TDRD1: variants seen among roughly 807,000 people sequenced by gnomAD.
The protein encoded by TDRD1 is tudor domain containing 1.
Under a neutral mutation model 140.6 loss-of-function variants are expected in TDRD1, and 37 were observed. That is an observed-to-expected ratio of 0.26 (90% confidence interval 0.20 to 0.35). The LOEUF (loss-of-function observed/expected upper bound fraction) is 0.35, where lower values mean the gene tolerates loss of function less well. Among genes scored for constraint, TDRD1 ranks in the 10% least tolerant of loss-of-function variants. The probability of loss-of-function intolerance (pLI) is 1.00; values close to 1 mark genes in which losing one functional copy is unlikely to be tolerated. For synonymous variants in TDRD1, 506 were observed against 475.7 expected (o/e 1.06, Z -0.83); for missense variants, 1,243 against 1,393.0 (o/e 0.89, Z 1.71).
intron 11 of TDRD1, among the ~76,000 whole-genome samples, chr10:114,207,465 T>C (rs1331314372): frequency 6.6e-6 from 1 of 152,250 alleles, no homozygotes; most frequent in Non-Finnish European, 1.5e-5. Flanking sequence ...AATTTTCCAA[T>C]GTCATAGTTT....
intron 14 of TDRD1, among the ~76,000 whole-genome samples, 154 bp from the exon 15 acceptor site, chr10:114,213,192 T>A (rs2035599010): frequency 6.6e-6 from 1 of 152,250 alleles, no homozygotes; most frequent in African/African-American, 2.4e-5. Flanking sequence ...TTTTCTTTGT[T>A]AATTATGCAT....
intron 11 of TDRD1, among the ~76,000 whole-genome samples, chr10:114,210,311 G>A (rs1001326622): frequency 2.0e-5 from 3 of 152,136 alleles, no homozygotes; most frequent in Non-Finnish European, 2.9e-5. Context: ...TATAAAGAGT[G>A]TATTATAGAG....
intron 2 of TDRD1, 58 bp downstream of exon 2, chr10:114,188,214 A>T: frequency 2.1e-6 from 3 of 1,457,356 alleles, no homozygotes; most frequent in Non-Finnish European, 2.8e-6. Context: ...GTGACTTACC[A>T]GAAGTATATA....
exon 19 of TDRD1, chr10:114,220,586 A>C (rs2036079833): frequency 5.0e-6 from 8 of 1,612,940 alleles, no homozygotes; most frequent in Non-Finnish European, 6.8e-6. Context: ...TCTAGAAACA[A>C]ACATTGGTCT....
In TDRD1 at chr10:114,187,943, CAT is replaced by C; in HGVS notation, c.113_114del (p.His38ArgfsTer11). The stretch of plus-strand genomic sequence containing the variant: ...GAAAAATGAAAACAAGCTTCCACCA[CAT>C]GAGTCTTTAAGAAGTCCTGGAACAC... On this transcript the variant is annotated frameshift_variant, in exon 2 of 26. Coordinates refer to ENST00000251864, the Ensembl canonical transcript of TDRD1. LOFTEE classifies it high-confidence loss of function. The C allele has an allele frequency of 6.2e-7, 1 of 1,614,126 alleles. No individual in the cohort carries two copies. The highest frequency in any genetic ancestry group is 1.1e-5 in the South Asian group (1 of 91,082).
chr10:114,223,855 G>A (rs1353085147), intron 21 of TDRD1, among the ~76,000 whole-genome samples: 2 of 152,070 alleles, frequency 1.3e-5, no homozygotes, highest in Admixed American at 1.3e-4. Context: ...TTACCATATT[G>A]GAGGCATCTT....
At chr10:114,192,009 G>C (rs953303528) in intron 3 of TDRD1, among the ~76,000 whole-genome samples, 1 of 150,986 alleles carries the variant, frequency 6.6e-6, no homozygotes, top group African/African-American at 2.4e-5. Flanking sequence ...TTTGCCATCT[G>C]TGCATCTTTG....
Position 114,203,256 on chromosome 10 carries a change from C to T in TDRD1, c.801+80C>T, listed in dbSNP as rs538344856. 82 of 1,470,216 alleles carry T rather than the reference C, an allele frequency of 5.6e-5. 1 individual carries two copies. In the African/African-American group the frequency reaches 7.6e-4, roughly 14 times the overall value. The allele number at this position is 1,470,216 out of a possible 1,614,324, so 91.1% of individuals were successfully genotyped here. On this transcript the variant is annotated intron_variant, in intron 7 of 25. Transcript: ENST00000251864. ...CTCGTTTCCTATTTTTGAGTTCATG[C>T]GGTAGCTACAAAACATAAACATTGC... is the stretch of plus-strand genomic sequence containing the variant.
chr10:114,231,814 G>A, exon 26 of TDRD1: 1 of 306,712 alleles, frequency 3.3e-6, no homozygotes, highest in Non-Finnish European at 5.8e-6. Flanking sequence ...AGGAAGGCCA[G>A]GTGCAGTGGC....
At chr10:114,211,785 A>G (rs2035500520) in intron 13 of TDRD1, 81 bp from the exon 14 acceptor site, 1 of 1,313,660 alleles carries the variant, frequency 7.6e-7, no homozygotes, top group African/African-American at 1.5e-5. Flanking sequence ...ATAAATGACC[A>G]TCTCTAAGTT....
At position 114,206,682 on chromosome 10, in the gene TDRD1, C is replaced by T. The variant is rs1589688416; in HGVS notation, c.1384+352C>T. ...AAGCTGGAGTGCAATGGCATGGTCTCGGCTCCCTGTAACCTCTGCCTCCCT... is the reference window on the plus strand; with the variant it reads ...AAGCTGGAGTGCAATGGCATGGTCTTGGCTCCCTGTAACCTCTGCCTCCCT... On this transcript the variant is annotated intron_variant, in intron 11 of 25. Coordinates refer to ENST00000251864, the Ensembl canonical transcript of TDRD1. 6.2e-5 allele frequency among the ~76,000 whole-genome samples: 9 copies of T among 144,926 alleles called. No homozygotes were observed. In the South Asian group the frequency reaches 1.7e-3, roughly 28 times the overall value.
At chr10:114,188,371 A>C (rs2033699255) in intron 2 of TDRD1, among the ~76,000 whole-genome samples, 1 of 152,216 alleles carries the variant, frequency 6.6e-6, no homozygotes, top group African/African-American at 2.4e-5. Context: ...TGGGGAGAGA[A>C]TGAGCTTTTT....
intron 3 of TDRD1, among the ~76,000 whole-genome samples, chr10:114,195,396 A>G (rs1366350221): frequency 6.6e-6 from 1 of 152,124 alleles, no homozygotes; most frequent in African/African-American, 2.4e-5. Context: ...CTGATTTTAT[A>G]TCTAGTCATG....
In TDRD1 at chr10:114,203,097, A is replaced by C. The variant is rs780176595; in HGVS notation, c.722A>C (p.Lys241Thr). ...AGTGACTGTCCACTTGGAGTTACTA[A>C]GGAAATAGCCATTTGGGCTGAGAGA... Residue 241 changes from lysine to threonine, a missense_variant, in exon 7 of 26, where the codon AAG (lysine) becomes ACG (threonine). By Grantham distance (78) the Lys-to-Thr change is moderately conservative. Around this residue, in one of 5 missense-constraint regions of TDRD1, gnomAD observed 392 missense variants for 394.1 expected, o/e 0.99. Transcript: ENST00000251864. 1.9e-6 allele frequency: 3 copies of C among 1,613,700 alleles called. No individual in the cohort carries two copies. The highest frequency in any genetic ancestry group is 1.3e-5 in the African/African-American group (1 of 74,956).
exon 23 of TDRD1, chr10:114,227,148 A>C (rs774157576): frequency 6.2e-7 from 1 of 1,608,750 alleles, no homozygotes; most frequent in Admixed American, 1.7e-5. Flanking sequence ...ATCAGAATGT[A>C]ATGCTTTCTG....
intron 3 of TDRD1, among the ~76,000 whole-genome samples, chr10:114,195,796 G>A (rs771701929): frequency 4.6e-5 from 7 of 152,090 alleles, no homozygotes; most frequent in Non-Finnish European, 8.8e-5. Context: ...ATTAATACTT[G>A]AGTTTATGCC....
intron 14 of TDRD1, among the ~76,000 whole-genome samples, chr10:114,212,803 C>A (rs2035570176): frequency 6.6e-6 from 1 of 152,124 alleles, no homozygotes; most frequent in Admixed American, 6.5e-5. Context: ...TCCTACCTAC[C>A]ATAATGTTCA....
chr10:114,215,326 T>G (rs2035750734), intron 16 of TDRD1, among the ~76,000 whole-genome samples: 1 of 152,228 alleles, frequency 6.6e-6, no homozygotes. Flanking sequence ...TGGCCTGTTT[T>G]GCTTGGGCTG....
At chr10:114,208,093 A>C (rs1045000296) in intron 11 of TDRD1, among the ~76,000 whole-genome samples, 2 of 152,086 alleles carry the variant, frequency 1.3e-5, no homozygotes, top group Non-Finnish European at 2.9e-5. Flanking sequence ...AGGCCTAGAG[A>C]TAGGGAAAAA....
Sources: allele counts gnomAD v4.1 joint callset (sites outside exome capture counted in the v4.1 genomes callset), GRCh38; gene constraint gnomAD v4.1.1; regional missense constraint gnomAD v4.1.1; transcripts MANE v1.5; gene names NCBI Gene and HGNC (gene_info 2026-07-23, HGNC 2026-07-21).